KCNB2: variants seen among roughly 807,000 people sequenced by gnomAD.
KCNB2 encodes the protein potassium voltage-gated channel subfamily B member 2.
Under a neutral mutation model 61.5 loss-of-function variants are expected in KCNB2, and 15 were observed. That is an observed-to-expected ratio of 0.24 (90% CI 0.16 to 0.38). KCNB2 has a LOEUF of 0.38. KCNB2 is among the 10% of genes least tolerant of loss of function. KCNB2 has a pLI of 1.00. For missense variants in KCNB2, 828 were observed against 1,125.2 expected, an observed-to-expected ratio of 0.74 and a Z score of 3.78; for synonymous variants, 457 against 446.0, an observed-to-expected ratio of 1.02 and a Z score of -0.31.
chr8:72,839,599 C>CTTTTTTT lies in KCNB2; in HGVS notation c.580-96311_580-96305dup, dbSNP rs10561095. ...CCTTGAGCTAAACTTTGAAAGGCTT[C>CTTTTTTT]TTTTTTTTTTTTTTTTTTTTTTTTT... is the stretch of plus-strand genomic sequence containing the variant. On this transcript the variant is annotated intron_variant, in intron 2 of 2. Transcript: ENST00000523207. Among the ~76,000 whole-genome samples the CTTTTTTT allele has an allele frequency of 1.7e-3, 149 of 87,654 alleles. 13 individuals are homozygous for CTTTTTTT. Among genetic ancestry groups the CTTTTTTT allele is most frequent in the African/African-American group, 6.8e-3 (138 of 20,438 alleles). The allele number at this position is 87,654 out of a possible 152,430, so 57.5% of individuals were successfully genotyped here. A position where few individuals can be genotyped will look rare whatever the true frequency, so the allele number is the denominator to read the frequency against.
chr8:72,806,658 T>TA (rs1340708080), intron 2 of KCNB2, among the ~76,000 whole-genome samples: 3 of 152,054 alleles, frequency 2.0e-5, no homozygotes, highest in African/African-American at 7.2e-5. Flanking sequence ...TGTAATTGAA[T>TA]AAAATCCTTA....
At chr8:72,725,591 G>A (rs113580992) in intron 2 of KCNB2, among the ~76,000 whole-genome samples, 2,531 of 51,584 alleles carry the variant, frequency 0.049, 124 homozygotes, top group African/African-American at 0.13. Flanking sequence ...ATATATGTAT[G>A]TATATATATA....
chr8:72,924,681 C>T (rs1407942009), intron 2 of KCNB2, among the ~76,000 whole-genome samples: 1 of 152,196 alleles, frequency 6.6e-6, no homozygotes, highest in Non-Finnish European at 1.5e-5. Context: ...AACACCTCCT[C>T]AGTCTCTAAT....
intron 2 of KCNB2, among the ~76,000 whole-genome samples, chr8:72,700,812 T>G (rs927559539): frequency 5.3e-5 from 8 of 152,170 alleles, no homozygotes; most frequent in African/African-American, 1.7e-4. Context: ...CTGTTTACTA[T>G]AACAAAGATA....
At chr8:72,670,290 C>A (rs965045474) in intron 2 of KCNB2, among the ~76,000 whole-genome samples, 3 of 152,206 alleles carry the variant, frequency 2.0e-5, no homozygotes, top group African/African-American at 7.2e-5. Flanking sequence ...CTTCTCATTA[C>A]TTTAGTGGTG....
At chr8:72,831,453 C>A (rs4307385) in intron 2 of KCNB2, among the ~76,000 whole-genome samples, 79,031 of 151,846 alleles carry the variant, frequency 0.52, 21,176 homozygotes, top group Admixed American at 0.58. Flanking sequence ...TCTAGAAGGA[C>A]TGTAGATTGT....
chr8:72,778,250 G>A (rs1451608944), intron 2 of KCNB2, among the ~76,000 whole-genome samples: 1 of 152,044 alleles, frequency 6.6e-6, no homozygotes, highest in Admixed American at 6.6e-5. Context: ...TTCACACAGA[G>A]GTATTATTGT....
At chr8:72,747,539 G>A (rs886072695) in intron 2 of KCNB2, among the ~76,000 whole-genome samples, 4 of 152,138 alleles carry the variant, frequency 2.6e-5, no homozygotes, top group African/African-American at 9.7e-5. Flanking sequence ...CCAGAAAGGG[G>A]TCCCAATCCA....
intron 2 of KCNB2, among the ~76,000 whole-genome samples, chr8:72,692,751 T>C (rs1436452284): frequency 2.7e-5 from 4 of 149,996 alleles, no homozygotes; most frequent in African/African-American, 4.9e-5. Context: ...CTAAATATTT[T>C]ATTATTCATT....
At chr8:72,856,325 T>C (rs1810206911) in intron 2 of KCNB2, among the ~76,000 whole-genome samples, 1 of 152,188 alleles carries the variant, frequency 6.6e-6, no homozygotes, top group Non-Finnish European at 1.5e-5. Flanking sequence ...TTACAGCAGA[T>C]GTCCATTTGG....
chr8:72,659,622 G>A (rs1427481800), intron 2 of KCNB2, among the ~76,000 whole-genome samples: 1 of 152,158 alleles, frequency 6.6e-6, no homozygotes, highest in African/African-American at 2.4e-5. Flanking sequence ...CACATTGAAA[G>A]TAGAGTCAAT....
chr8:72,929,207 C>A (rs983090216), intron 2 of KCNB2, among the ~76,000 whole-genome samples: 2 of 152,154 alleles, frequency 1.3e-5, no homozygotes, highest in African/African-American at 4.8e-5. Context: ...TGATCCTGTG[C>A]TTCTTTCCAC....
chr8:72,555,647 T>G (rs1806415184), intron 1 of KCNB2, among the ~76,000 whole-genome samples: 1 of 151,970 alleles, frequency 6.6e-6, no homozygotes, highest in South Asian at 2.1e-4. Flanking sequence ...AGAAGAATTT[T>G]TTTTTTGGCA....
chr8:72,638,013 C>G (rs1450578481), intron 2 of KCNB2, among the ~76,000 whole-genome samples: 2 of 152,088 alleles, frequency 1.3e-5, no homozygotes, highest in Non-Finnish European at 2.9e-5. Context: ...CCTTTGTGTT[C>G]TTATCTGCAA....
chr8:72,775,289 G>A (rs151270685), intron 2 of KCNB2, among the ~76,000 whole-genome samples: 24 of 152,288 alleles, frequency 1.6e-4, no homozygotes, highest in African/African-American at 5.8e-4. Context: ...GAAGGAGAAA[G>A]AGCAGGTAAA....
intron 2 of KCNB2, among the ~76,000 whole-genome samples, chr8:72,762,750 G>C (rs890628730): frequency 1.3e-5 from 2 of 151,894 alleles, no homozygotes; most frequent in Non-Finnish European, 2.9e-5. Context: ...TGTGTATGCC[G>C]ATCTGTTCCA....
At chr8:72,848,479 C>T (rs1024278928) in intron 2 of KCNB2, among the ~76,000 whole-genome samples, 4 of 151,708 alleles carry the variant, frequency 2.6e-5, no homozygotes, top group Admixed American at 6.6e-5. Context: ...ATAAATAAAT[C>T]GAGATAAACA....
chr8:72,698,416 T>A (rs1563563012), intron 2 of KCNB2, among the ~76,000 whole-genome samples: 2 of 152,054 alleles, frequency 1.3e-5, no homozygotes, highest in Non-Finnish European at 2.9e-5. Flanking sequence ...AGAATTAATA[T>A]CATTAAAATG....
intron 2 of KCNB2, among the ~76,000 whole-genome samples, chr8:72,819,996 T>C (rs1344280211): frequency 6.6e-6 from 1 of 152,146 alleles, no homozygotes; most frequent in Admixed American, 6.6e-5. Flanking sequence ...GGGTTACACA[T>C]GGTCTGTGTG....
Sources: gnomAD v4.1 joint callset for allele counts (sites outside exome capture counted in the v4.1 genomes callset) on GRCh38, gnomAD v4.1.1 for gene constraint, MANE v1.5 for transcripts, NCBI Gene and HGNC (gene_info 2026-07-23, HGNC 2026-07-21) for gene names.